The following KMT2C variants were observed in gnomAD, a reference collection of about 807,000 sequenced individuals.
KMT2C encodes the protein histone-lysine N-methyltransferase 2C.
KMT2C carries 88 observed loss-of-function variants against 507.9 expected under a neutral mutation model. The observed-to-expected ratio is 0.17, with a 90% CI of 0.15 to 0.21. The LOEUF is 0.21. Among genes scored for constraint, KMT2C ranks in the 10% least tolerant of loss-of-function variants. KMT2C has a pLI of 1.00. For synonymous variants in KMT2C, 2,049 were observed against 2,080.8 expected (o/e 0.98, Z 0.42); for missense variants, 4,954 against 5,957.8 (o/e 0.83, Z 5.55).
chr7:152,207,187 T>TTA, intron 24 of KMT2C, 113 bp downstream of exon 24: 4 of 1,048,154 alleles, frequency 3.8e-6, no homozygotes, highest in Non-Finnish European at 5.3e-6. Context: ...ATATTTTTGT[T>TTA]TAGACAGTTC....
intron 1 of KMT2C, among the ~76,000 whole-genome samples, chr7:152,434,976 C>T (rs2097902742): frequency 6.6e-6 from 1 of 152,224 alleles, no homozygotes; most frequent in South Asian, 2.1e-4. Context: ...TCCCACAGGA[C>T]TTGTGCTTTC....
rs777490767 is a variant in KMT2C at position 152,207,381 on chromosome 7, G to A, written c.3760C>T (p.Arg1254Trp). The change falls in exon 24 of 59, where the codon CGG becomes TGG. Residue 1254 changes from arginine to tryptophan, a missense_variant. By Grantham distance (101) the Arg-to-Trp change is moderately radical. Transcript: ENST00000262189. ...TTAGTTTCATCATCCACAGCTTCCC[G>A]CTCAGGACTAGATTCTGATTTTCCA... ...CDGKSESSPE[R>W]EAVDDETKGV... 2.7e-5 allele frequency: 43 copies of A among 1,609,768 alleles called. No homozygotes were observed. The East Asian group carries it at 5.4e-4, about 20-fold the overall frequency.
chr7:152,367,440 A>T, intron 1 of KMT2C: 1 of 725,230 alleles, frequency 1.4e-6, no homozygotes, highest in Non-Finnish European at 2.4e-6. Flanking sequence ...CTGGTCTGGA[A>T]CTCCTGAGCT....
intron 6 of KMT2C, among the ~76,000 whole-genome samples, chr7:152,289,809 T>G (rs2096377056): frequency 2.0e-5 from 3 of 152,050 alleles, no homozygotes; most frequent in African/African-American, 7.2e-5. Context: ...ACACTTGTAA[T>G]CCCAGCACTT....
chr7:152,222,023 A>C lies in KMT2C; in HGVS notation c.3477T>G (p.Ile1159Met). ...DCCESSLVAQIVTKVKELDPP... is the reference protein window; with the variant it reads ...DCCESSLVAQMVTKVKELDPP... Reference sequence around the variant, plus strand: ...TACCTAGCTCTTTTACTTTTGTGACAATTTGTGCTACAAGTGAAGATTCAC... The same window carrying C: ...TACCTAGCTCTTTTACTTTTGTGACCATTTGTGCTACAAGTGAAGATTCAC... Residue 1159 changes from isoleucine (I) to methionine (M), a missense_variant, in exon 22 of 59, where the codon ATT becomes ATG. Physicochemically the swap from Ile to Met is conservative, Grantham distance 10 (BLOSUM62 1). This residue lies in a region of KMT2C where 176 missense variants were observed against 262.0 expected (regional missense o/e 0.67). Coordinates refer to ENST00000262189, the MANE Select transcript of KMT2C (RefSeq NM_170606.3). 1 of 1,605,762 alleles carries C rather than the reference A, an allele frequency of 6.2e-7. No individual in the cohort carries two copies. The highest frequency in any genetic ancestry group is 8.5e-7 in the Non-Finnish European group (1 of 1,176,820).
chr7:152,174,293 C>A (rs2129111033), intron 38 of KMT2C, 51 bp from the exon 39 acceptor site: 1 of 861,930 alleles, frequency 1.2e-6, no homozygotes. Context: ...GTTCAACGTA[C>A]ACTAAGAAGT....
At chr7:152,389,148 C>T (rs1486268317) in intron 1 of KMT2C, among the ~76,000 whole-genome samples, 2 of 152,154 alleles carry the variant, frequency 1.3e-5, no homozygotes, top group Non-Finnish European at 2.9e-5. Flanking sequence ...TCCCAAAGTG[C>T]TGGGATTACA....
chr7:152,159,167 T>C (rs1035511162), intron 43 of KMT2C, 95 bp from the exon 44 acceptor site: 119 of 1,026,354 alleles, frequency 1.2e-4, no homozygotes, highest in Non-Finnish European at 8.3e-5. Context: ...CATCCTAACA[T>C]GGCACTAAAA....
intron 1 of KMT2C, among the ~76,000 whole-genome samples, chr7:152,431,638 T>C (rs1233175802): frequency 6.6e-6 from 1 of 151,816 alleles, no homozygotes. Flanking sequence ...CAGGTTCTTA[T>C]TCATGGGAAT....
intron 1 of KMT2C, among the ~76,000 whole-genome samples, chr7:152,418,251 T>G (rs1334888179): frequency 6.6e-6 from 1 of 152,082 alleles, no homozygotes; most frequent in Non-Finnish European, 1.5e-5. Context: ...AATGCTTATT[T>G]TTTAACCTAA....
intron 23 of KMT2C, among the ~76,000 whole-genome samples, chr7:152,212,260 C>G (rs1373640685): frequency 6.6e-6 from 1 of 152,150 alleles, no homozygotes; most frequent in Non-Finnish European, 1.5e-5. Context: ...TAACACTGTT[C>G]ACTCTTTTTA....
At position 152,176,825 on chromosome 7, in the gene KMT2C, A is replaced by G. The variant is rs1326575571; in HGVS notation, c.8628T>C (p.Asp2876=). 1 of 1,614,080 alleles carries G rather than the reference A, an allele frequency of 6.2e-7. No individual in the cohort carries two copies. Among genetic ancestry groups the G allele is most frequent in the Admixed American group, 1.7e-5 (1 of 60,010 alleles). Residue 2876 remains aspartate, a synonymous_variant, in exon 38 of 59, where the codon GAT becomes GAC. Coordinates refer to ENST00000262189, the MANE Select transcript of KMT2C (RefSeq NM_170606.3). ...CTCGATTGGTTCTTTTCTCAAATAG[A>G]TCTGGATCACAAGGATGCAAAGAAG... The part of the protein sequence containing the change: ...EKTSLHPCDP[D]LFEKRTNRET...
intron 9 of KMT2C, among the ~76,000 whole-genome samples, chr7:152,261,221 C>A (rs865801350): frequency 1.3e-5 from 2 of 150,700 alleles, no homozygotes; most frequent in Non-Finnish European, 3.0e-5. Context: ...AATACCTGCC[C>A]TTCCTGATCC....
chr7:152,187,035 C>T (rs138617248), intron 33 of KMT2C, among the ~76,000 whole-genome samples: 54 of 152,174 alleles, frequency 3.5e-4, no homozygotes, highest in Non-Finnish European at 6.2e-4. Flanking sequence ...AGCTGAAAAA[C>T]GGACCATTTC....
chr7:152,304,935 T>C (rs1482979054), intron 6 of KMT2C, among the ~76,000 whole-genome samples: 1 of 152,160 alleles, frequency 6.6e-6, no homozygotes, highest in African/African-American at 2.4e-5. Context: ...TAGCAGAAAT[T>C]TTCCTTGGCT....
intron 13 of KMT2C, among the ~76,000 whole-genome samples, chr7:152,248,993 C>T (rs1033716794): frequency 1.3e-5 from 2 of 151,958 alleles, no homozygotes; most frequent in African/African-American, 2.4e-5. Context: ...ATAGTAGATA[C>T]CCAGATGTAA....
At chr7:152,385,505 G>A (rs2116502046) in intron 1 of KMT2C, among the ~76,000 whole-genome samples, 1 of 128,670 alleles carries the variant, frequency 7.8e-6, no homozygotes, top group Admixed American at 7.3e-5. Flanking sequence ...CCAGCTCCTT[G>A]GGAGGCTGAG....
chr7:152,422,841 G>A (rs2097785747), intron 1 of KMT2C, among the ~76,000 whole-genome samples: 1 of 151,830 alleles, frequency 6.6e-6, no homozygotes, highest in African/African-American at 2.4e-5. Flanking sequence ...GGCTAACACG[G>A]TGAAACCCCG....
chr7:152,292,080 A>T (rs1237676591), intron 6 of KMT2C, among the ~76,000 whole-genome samples: 2 of 151,946 alleles, frequency 1.3e-5, no homozygotes, highest in African/African-American at 4.8e-5. Flanking sequence ...GTTGGCTGGG[A>T]ATATTGTGAG....
Sources: gnomAD v4.1 joint callset for allele counts (sites outside exome capture counted in the v4.1 genomes callset) on GRCh38, gnomAD v4.1.1 for gene constraint, gnomAD v4.1.1 regional missense constraint, MANE v1.5 for transcripts, NCBI Gene and HGNC (gene_info 2026-07-23, HGNC 2026-07-21) for gene names.